The following PLCB1 variants were observed in gnomAD, a reference collection of about 807,000 sequenced individuals.
PLCB1 encodes phospholipase C beta 1.
Under a neutral mutation model 161.8 loss-of-function variants are expected in PLCB1, and 46 were observed. The ratio of observed to expected loss-of-function variants is 0.28; its 90% CI spans 0.22 to 0.36. PLCB1 has a LOEUF of 0.36. PLCB1 is among the 10% of genes least tolerant of loss of function. PLCB1 has a pLI of 1.00. For missense variants in PLCB1, 1,016 were observed against 1,472.5 expected, an observed-to-expected ratio of 0.69 and a Z score of 5.07; for synonymous variants, 517 against 503.7, an observed-to-expected ratio of 1.03 and a Z score of -0.35.
chr20:8,643,508 T>C (rs1232280206), intron 4 of PLCB1, among the ~76,000 whole-genome samples: 1 of 152,122 alleles, frequency 6.6e-6, no homozygotes, highest in Non-Finnish European at 1.5e-5. Context: ...TCCAGTTCCA[T>C]CTTGAATGTT....
At chr20:8,427,119 C>T (rs545930198) in intron 3 of PLCB1, among the ~76,000 whole-genome samples, 9 of 152,190 alleles carry the variant, frequency 5.9e-5, no homozygotes, top group South Asian at 4.2e-4. Flanking sequence ...CCATGTTGGA[C>T]GGGCTGGTCT....
At chr20:8,629,464 G>A (rs1006860299) in intron 4 of PLCB1, among the ~76,000 whole-genome samples, 5 of 152,102 alleles carry the variant, frequency 3.3e-5, no homozygotes, top group South Asian at 4.1e-4. Flanking sequence ...CTCTAGAAAC[G>A]TCCAATTGTC....
chr20:8,629,116 C>T (rs1174400953), intron 4 of PLCB1, among the ~76,000 whole-genome samples: 4 of 152,090 alleles, frequency 2.6e-5, no homozygotes, highest in Admixed American at 6.5e-5. Context: ...AGGGGACAGA[C>T]ATCTTCAGCC....
chr20:8,575,343 C>T (rs79479158), intron 3 of PLCB1, among the ~76,000 whole-genome samples: 1,681 of 152,310 alleles, frequency 0.011, 26 homozygotes, highest in African/African-American at 0.038. Flanking sequence ...CTAGACTAGA[C>T]AGCATCAACA....
chr20:8,275,140 G>A (rs1221706363), intron 2 of PLCB1, among the ~76,000 whole-genome samples: 2 of 152,006 alleles, frequency 1.3e-5, no homozygotes, highest in African/African-American at 4.8e-5. Flanking sequence ...TGAGAAGGGA[G>A]GCTGAAGGGA....
chr20:8,288,406 T>C lies in PLCB1; in HGVS notation c.178-82976T>C, dbSNP rs187231848. Among the ~76,000 whole-genome samples the C allele has an allele frequency of 5.9e-5, 9 of 152,258 alleles. No individual in the cohort carries two copies. In the East Asian group the frequency reaches 1.7e-3, roughly 29 times the overall value. On this transcript the variant is annotated intron_variant, in intron 2 of 31. Coordinates refer to ENST00000338037, the MANE Select transcript of PLCB1 (RefSeq NM_015192.4). ...CTTGAGATGGAGATTCTGATGCAAG[T>C]GATTTTTGGAGGGAATGCTCTCTGG...
chr20:8,724,276 A>T (rs1275641427), intron 15 of PLCB1, among the ~76,000 whole-genome samples: 1 of 152,124 alleles, frequency 6.6e-6, no homozygotes, highest in African/African-American at 2.4e-5. Flanking sequence ...GCAATGGAAG[A>T]TGAGCTATAG....
At chr20:8,626,772 C>A (rs1476859262) in intron 3 of PLCB1, among the ~76,000 whole-genome samples, 1 of 152,152 alleles carries the variant, frequency 6.6e-6, no homozygotes, top group Non-Finnish European at 1.5e-5. Flanking sequence ...CACAAAATTA[C>A]AAGTACTAAT....
At chr20:8,617,397 C>A (rs1348921374) in intron 3 of PLCB1, among the ~76,000 whole-genome samples, 3 of 151,900 alleles carry the variant, frequency 2.0e-5, no homozygotes, top group Admixed American at 1.3e-4. Context: ...GATTTTGAGG[C>A]TATTTATAGT....
chr20:8,381,729 A>T (rs1238119784), intron 3 of PLCB1, among the ~76,000 whole-genome samples: 1 of 152,120 alleles, frequency 6.6e-6, no homozygotes, highest in Non-Finnish European at 1.5e-5. Flanking sequence ...GTTTATTCGC[A>T]TAGAGGTGTT....
intron 11 of PLCB1, among the ~76,000 whole-genome samples, chr20:8,699,054 G>A (rs752592894): frequency 6.6e-6 from 1 of 152,184 alleles, no homozygotes; most frequent in Non-Finnish European, 1.5e-5. Context: ...CTTGGAGAGT[G>A]ACTGGAGAAA....
intron 2 of PLCB1, among the ~76,000 whole-genome samples, chr20:8,188,760 G>A (rs2051933892): frequency 6.6e-6 from 1 of 151,950 alleles, no homozygotes; most frequent in South Asian, 2.1e-4. Context: ...ATTTTGTTAG[G>A]GTCTTATAAA....
At chr20:8,643,874 C>T (rs1041549885) in intron 4 of PLCB1, among the ~76,000 whole-genome samples, 18 of 150,454 alleles carry the variant, frequency 1.2e-4, no homozygotes, top group Middle Eastern at 3.4e-3. Flanking sequence ...GCCGCCATCT[C>T]GGCTCACTGC....
At chr20:8,151,512 G>C (rs2123034380) in intron 2 of PLCB1, among the ~76,000 whole-genome samples, 1 of 152,226 alleles carries the variant, frequency 6.6e-6, no homozygotes, top group South Asian at 2.1e-4. Flanking sequence ...AGAAGTGGAG[G>C]TAAACCACAG....
rs1185619486 is a variant in PLCB1 at position 8,676,406 on chromosome 20, A to AG, written c.863-8526_863-8525insG. ...AAGAAAGAGAGACAAAGAAAGAAAG[A>AG]AAGAAAGAGAAGAAAGAAAGAAAGA... On this transcript the variant is annotated intron_variant, in intron 9 of 31. Transcript: ENST00000338037. Among the ~76,000 whole-genome samples, 819 of 151,872 alleles carry AG rather than the reference A, an allele frequency of 5.4e-3. 6 individuals carry two copies. Among genetic ancestry groups the AG allele is most frequent in the African/African-American group, 0.019 (784 of 41,442 alleles).
intron 3 of PLCB1, among the ~76,000 whole-genome samples, chr20:8,380,758 T>C (rs1444528955): frequency 6.6e-6 from 1 of 152,124 alleles, no homozygotes; most frequent in East Asian, 1.9e-4. Context: ...CTATTGTTGG[T>C]GTAAAGGAAT....
chr20:8,403,631 G>A (rs186262375), intron 3 of PLCB1, among the ~76,000 whole-genome samples: 4 of 151,614 alleles, frequency 2.6e-5, no homozygotes, highest in African/African-American at 7.3e-5. Context: ...GTAGTGACAC[G>A]TACCTGTAGT....
Position 8,132,303 on chromosome 20 carries a change from A to C in PLCB1, c.-349A>C. Reference sequence around the variant, plus strand: ...CCTCTGTGTATAGAGGATGTGCTGAATGGTGCGCTTTGAGGCGGCGGCGGC... The same window carrying C: ...CCTCTGTGTATAGAGGATGTGCTGACTGGTGCGCTTTGAGGCGGCGGCGGC... On this transcript the variant is annotated 5_prime_UTR_variant, in exon 1 of 32. It removes an upstream start codon present in the reference 5' UTR. Transcript: ENST00000338037. The surrounding 1 kb of genome is among the most constrained non-coding windows in gnomAD (Gnocchi z 5.2). 1 of 184,834 alleles carries C rather than the reference A, an allele frequency of 5.4e-6. No homozygotes were observed. Among genetic ancestry groups the C allele is most frequent in the Non-Finnish European group, 1.1e-5 (1 of 89,786 alleles). The allele number at this position is 184,834 out of a possible 1,614,324, so 11.4% of individuals were successfully genotyped here.
intron 4 of PLCB1, among the ~76,000 whole-genome samples, chr20:8,639,431 G>A (rs1988870579): frequency 6.6e-6 from 1 of 152,216 alleles, no homozygotes; most frequent in East Asian, 1.9e-4. Context: ...GGATAACAAG[G>A]CTGAGTGAGG....
Sources: allele counts gnomAD v4.1 joint callset (sites outside exome capture counted in the v4.1 genomes callset), GRCh38; gene constraint gnomAD v4.1.1; non-coding constraint Gnocchi (gnomAD v3.1); transcripts MANE v1.5; gene names NCBI Gene and HGNC (gene_info 2026-07-23, HGNC 2026-07-21).